Variants in DMXL1 observed in about 807,000 individuals in gnomAD.
DMXL1 encodes dmX-like protein 1.
In DMXL1, 99 loss-of-function variants were observed where a neutral mutation model predicts 319.2. The ratio of observed to expected loss-of-function variants is 0.31; its 90% CI spans 0.26 to 0.37. The LOEUF is 0.37. Among genes scored for constraint, DMXL1 ranks in the 10% least tolerant of loss-of-function variants. The pLI, the probability that DMXL1 is intolerant of heterozygous loss-of-function variation, is 1.00. For missense variants in DMXL1, 3,745 were observed against 3,595.6 expected, an observed-to-expected ratio of 1.04 and a Z score of -1.06; for synonymous variants, 1,385 against 1,235.2, an observed-to-expected ratio of 1.12 and a Z score of -2.54.
intron 32 of DMXL1, among the ~76,000 whole-genome samples, chr5:119,202,883 T>TTTATATATATATATATATATATATA (rs1781004815): frequency 1.4e-5 from 1 of 71,536 alleles, no homozygotes; most frequent in East Asian, 5.9e-4. Flanking sequence ...ATATATATAT[T>TTTATATATATATATATATATATATA]TTTATATATA....
chr5:119,135,992 A>G (rs2150064823), intron 13 of DMXL1, among the ~76,000 whole-genome samples: 1 of 152,328 alleles, frequency 6.6e-6, no homozygotes, highest in East Asian at 1.9e-4. Context: ...GCTCAGAAGA[A>G]GACAGGAAGA....
chr5:119,140,962 T>G (rs1767191479), intron 13 of DMXL1, among the ~76,000 whole-genome samples: 1 of 151,912 alleles, frequency 6.6e-6, no homozygotes, highest in African/African-American at 2.4e-5. Context: ...CATATGAAAA[T>G]TAAATGTGAT....
At chr5:119,131,393 A>T (rs1165566522) in intron 10 of DMXL1, among the ~76,000 whole-genome samples, 1 of 152,150 alleles carries the variant, frequency 6.6e-6, no homozygotes, top group African/African-American at 2.4e-5. Context: ...AAACCTGGAA[A>T]TTGGCACCAT....
At chr5:119,116,071 T>G in intron 6 of DMXL1, 87 bp from the exon 7 acceptor site, 13 of 1,252,094 alleles carry the variant, frequency 1.0e-5, no homozygotes, top group Non-Finnish European at 1.3e-5. Flanking sequence ...GTTCTTGCCA[T>G]TGGGGAGAAA....
At chr5:119,194,775 C>T (rs1362614627) in intron 30 of DMXL1, among the ~76,000 whole-genome samples, 2 of 152,082 alleles carry the variant, frequency 1.3e-5, no homozygotes, top group Admixed American at 1.3e-4. Flanking sequence ...GAACAAAGGG[C>T]TGGGCATGGT....
chr5:119,246,865 T>G (rs1347824507), intron 43 of DMXL1, 130 bp from the exon 44 acceptor site: 16 of 607,834 alleles, frequency 2.6e-5, no homozygotes, highest in Non-Finnish European at 4.0e-5. Context: ...ACTCCTTACC[T>G]TAGGTGGTCT....
chr5:119,184,791 T>C (rs1433002837), intron 28 of DMXL1, among the ~76,000 whole-genome samples: 1 of 152,180 alleles, frequency 6.6e-6, no homozygotes, highest in Non-Finnish European at 1.5e-5. Flanking sequence ...TTCCATGTTG[T>C]AGCTTGCGAC....
At chr5:119,089,136 T>C (rs963794396) in intron 1 of DMXL1, among the ~76,000 whole-genome samples, 1 of 151,132 alleles carries the variant, frequency 6.6e-6, no homozygotes, top group East Asian at 1.9e-4. Flanking sequence ...CTTTGCTGGC[T>C]ACAATATTTA....
intron 40 of DMXL1, among the ~76,000 whole-genome samples, chr5:119,237,665 A>T (rs1368876169): frequency 6.6e-6 from 1 of 152,028 alleles, no homozygotes; most frequent in Non-Finnish European, 1.5e-5. Context: ...ATACCTATAC[A>T]TCTTGTGGAT....
intron 1 of DMXL1, among the ~76,000 whole-genome samples, chr5:119,074,152 C>G (rs1227972916): frequency 6.6e-6 from 1 of 152,218 alleles, no homozygotes; most frequent in East Asian, 1.9e-4. Flanking sequence ...CTCCTGACCT[C>G]AGGTGATCCA....
At chr5:119,075,310 G>A (rs1001041123) in intron 1 of DMXL1, among the ~76,000 whole-genome samples, 1 of 147,410 alleles carries the variant, frequency 6.8e-6, no homozygotes, top group Non-Finnish European at 1.5e-5. Context: ...TGTGATCTCA[G>A]CTCACTGCAA....
intron 1 of DMXL1, among the ~76,000 whole-genome samples, chr5:119,084,661 C>T (rs533118203): frequency 5.9e-4 from 89 of 151,790 alleles, no homozygotes; most frequent in Admixed American, 1.4e-3. Context: ...GCTGTGAGTT[C>T]GAGACCAGCA....
At position 119,164,642 on chromosome 5, in the gene DMXL1, G is replaced by A. The variant is rs375881972; in HGVS notation, c.4838G>A (p.Arg1613Gln). The stretch of plus-strand genomic sequence containing the variant: ...GCTATGGGTGTGGGGTGGTGGGTCC[G>A]GAATACCCGCATCTTACGCAAATGC... ...LRAMGVGWWV[R>Q]NTRILRKCIE... The change falls in exon 20 of 44, where the codon CGG becomes CAG. Residue 1613 changes from arginine to glutamine, a missense_variant. By Grantham distance (43) the Arg-to-Gln change is conservative. Around this residue, in one of 4 missense-constraint regions of DMXL1, gnomAD observed 2,096 missense variants for 1,985.4 expected, o/e 1.06. Coordinates refer to ENST00000539542, the MANE Select transcript of DMXL1 (RefSeq NM_001290321.3). The A allele has an allele frequency of 1.9e-5, 31 of 1,609,620 alleles. No individual in the cohort carries two copies. The highest frequency in any genetic ancestry group is 6.7e-5 in the African/African-American group (5 of 74,956).
chr5:119,205,649 G>A (rs1781612304), intron 33 of DMXL1, among the ~76,000 whole-genome samples: 1 of 151,784 alleles, frequency 6.6e-6, no homozygotes, highest in Non-Finnish European at 1.5e-5. Context: ...TGTTGTTATT[G>A]CTTTGTTGTT....
At chr5:119,158,544 C>T (rs147081684) in intron 19 of DMXL1, among the ~76,000 whole-genome samples, 1 of 152,310 alleles carries the variant, frequency 6.6e-6, no homozygotes, top group Non-Finnish European at 1.5e-5. Context: ...TGAGAGAGTG[C>T]ATCCTTGTCC....
Position 119,224,724 on chromosome 5 carries a change from A to T in DMXL1, c.8293A>T (p.Ile2765Phe). ...ATTTTACCAGATGATTAAGAAAGCC[A>T]TTAATAATGTTAGAAGAATGACTTC... Reference protein sequence around the residue: ...RGASVMIKKAINNVRRMTSHP... With the variant: ...RGASVMIKKAFNNVRRMTSHP... The change falls in exon 38 of 44, where the codon ATT becomes TTT. Residue 2765 changes from isoleucine (I) to phenylalanine (F), a missense_variant. Transcript: ENST00000539542. 1 of 1,317,016 alleles carries T rather than the reference A, an allele frequency of 7.6e-7. No individual in the cohort carries two copies. The highest frequency in any genetic ancestry group is 1.0e-6 in the Non-Finnish European group (1 of 984,344). 81.6% of individuals were successfully genotyped at this position (1,317,016 alleles called of 1,614,324 possible).
chr5:119,090,961 A>G (rs761887191), intron 1 of DMXL1, among the ~76,000 whole-genome samples: 3 of 151,954 alleles, frequency 2.0e-5, no homozygotes, highest in Non-Finnish European at 4.4e-5. Flanking sequence ...TGAATTTTTC[A>G]GTTCAGCAAA....
At chr5:119,090,986 C>G (rs1020414349) in intron 1 of DMXL1, among the ~76,000 whole-genome samples, 5 of 151,916 alleles carry the variant, frequency 3.3e-5, no homozygotes, top group Admixed American at 1.3e-4. Flanking sequence ...TTTCTCAGTT[C>G]CAAGATTTCT....
At chr5:119,236,347 T>C (rs988087143) in intron 39 of DMXL1, 2 of 152,168 alleles carry the variant, frequency 1.3e-5, no homozygotes, top group East Asian at 1.9e-4. Flanking sequence ...CTTTCCCATT[T>C]CTAGATGTCT....
Sources: allele counts gnomAD v4.1 joint callset (sites outside exome capture counted in the v4.1 genomes callset), GRCh38; gene constraint gnomAD v4.1.1; regional missense constraint gnomAD v4.1.1; transcripts MANE v1.5; gene names NCBI Gene and HGNC (gene_info 2026-07-23, HGNC 2026-07-21).